NKIRAS1: variants seen among roughly 807,000 people sequenced by gnomAD.
NKIRAS1 encodes NF-kappa-B inhibitor-interacting Ras-like protein 1.
A neutral mutation model predicts 19.8 loss-of-function variants in NKIRAS1; 16 were observed. The ratio of observed to expected loss-of-function variants is 0.81; its 90% CI spans 0.55 to 1.23. The LOEUF (loss-of-function observed/expected upper bound fraction) is 1.23. Ranked by LOEUF, NKIRAS1 falls within the 50% of genes most tolerant of loss-of-function variation. NKIRAS1 has a pLI of 0.00. For synonymous variants in NKIRAS1, 88 were observed against 79.0 expected (o/e 1.11, Z -0.61); for missense variants, 184 against 220.0 (o/e 0.84, Z 1.04).
In NKIRAS1 at chr3:23,900,885, T is replaced by C. The variant is rs1420607830; in HGVS notation, c.259A>G (p.Ser87Gly). ...SFADGFVLVY[S>G]VNNLESFQRV... ...TGAAAGGATTCAAGGTTATTCACAC[T>C]GTACACAAGAACGAAGCCATCAGCA... is the stretch of plus-strand genomic sequence containing the variant. Residue 87 changes from serine (S) to glycine (G), a missense_variant, in exon 4 of 5, where the codon AGT (serine) becomes GGT (glycine). Transcript: ENST00000425478. 2 of 1,614,074 alleles carry C rather than the reference T, an allele frequency of 1.2e-6. No individual in the cohort carries two copies. Among genetic ancestry groups the C allele is most frequent in the Middle Eastern group, 1.6e-4 (1 of 6,062 alleles).
upstream of NKIRAS1, chr3:23,918,796 A>C (rs1435633218): frequency 1.7e-6 from 1 of 596,968 alleles, no homozygotes; most frequent in East Asian, 2.9e-5. Flanking sequence ...CTAAGCTTTA[A>C]AGCGGCAAGA....
At chr3:23,930,265 G>A (rs1286993510) in intron 1 of NKIRAS1, among the ~76,000 whole-genome samples, 1 of 152,156 alleles carries the variant, frequency 6.6e-6, no homozygotes, top group East Asian at 1.9e-4. Context: ...GCCATGGCGG[G>A]CTAAAGGGAT....
In NKIRAS1 at chr3:23,911,325, T is replaced by G; in HGVS notation, c.-18+4A>C. 4.9e-5 allele frequency: 8 copies of G among 162,500 alleles called. No homozygotes were observed. The highest frequency in any genetic ancestry group is 9.5e-5 in the Non-Finnish European group (7 of 74,040). 10.1% of individuals were successfully genotyped at this position (162,500 alleles called of 1,614,324 possible). A position where few individuals can be genotyped will look rare whatever the true frequency, so the allele number is the denominator to read the frequency against. ...AAAAATTAGCCAGGCGTGGTGGCAC[T>G]CACCTGTAATCCCAGCTACTGGGGA... On this transcript the variant is annotated splice_donor_region_variant and intron_variant, in intron 2 of 4. Coordinates refer to ENST00000425478, the MANE Select transcript of NKIRAS1 (RefSeq NM_020345.4).
chr3:23,893,696 C>G (rs1206624138), intron 4 of NKIRAS1, among the ~76,000 whole-genome samples: 2 of 149,798 alleles, frequency 1.3e-5, no homozygotes, highest in Non-Finnish European at 3.0e-5. Context: ...ACTTGGGAGG[C>G]TGCGGCAGGA....
intron 1 of NKIRAS1, among the ~76,000 whole-genome samples, chr3:23,929,035 A>G (rs901129576): frequency 6.7e-6 from 1 of 149,476 alleles, no homozygotes; most frequent in Non-Finnish European, 1.5e-5. Context: ...AAAAGAAAAT[A>G]TATTTAAAAC....
chr3:23,898,696 G>A (rs760371031), intron 4 of NKIRAS1, among the ~76,000 whole-genome samples: 7 of 151,956 alleles, frequency 4.6e-5, no homozygotes, highest in African/African-American at 7.3e-5. Flanking sequence ...TGCCCACCTC[G>A]GCCTCCCAAA....
In NKIRAS1 at chr3:23,910,532, C is replaced by T. The variant is rs564428270; in HGVS notation, c.94+279G>A. 3.5e-4 allele frequency among the ~76,000 whole-genome samples: 53 copies of T among 152,268 alleles called. No individual in the cohort carries two copies. In the South Asian group the frequency reaches 4.4e-3, roughly 13 times the overall value. ...TTACACCATTCATTATGTAAATACA[C>T]GGAAAACCACATATATACAAAGGAA... On this transcript the variant is annotated intron_variant, in intron 3 of 4. Coordinates refer to ENST00000425478, the MANE Select transcript of NKIRAS1 (RefSeq NM_020345.4).
chr3:23,945,308 G>C (rs1325055876), intron 1 of NKIRAS1: 1 of 157,238 alleles, frequency 6.4e-6, no homozygotes, highest in African/African-American at 2.4e-5. Flanking sequence ...CGCCGCCGCG[G>C]TGCGCTGGCT....
chr3:23,912,502 C>T (rs1373569094), intron 1 of NKIRAS1, among the ~76,000 whole-genome samples: 5 of 152,150 alleles, frequency 3.3e-5, no homozygotes, highest in Non-Finnish European at 5.9e-5. Context: ...TACCATCTCA[C>T]GCCAATTAGA....
intron 1 of NKIRAS1, among the ~76,000 whole-genome samples, chr3:23,935,135 C>G (rs1236473169): frequency 6.6e-6 from 1 of 151,736 alleles, no homozygotes; most frequent in Non-Finnish European, 1.5e-5. Flanking sequence ...ATCCTCCTGC[C>G]TCGTGAGTTA....
At chr3:23,898,264 A>C (rs757940938) in intron 4 of NKIRAS1, among the ~76,000 whole-genome samples, 1 of 152,196 alleles carries the variant, frequency 6.6e-6, no homozygotes, top group Non-Finnish European at 1.5e-5. Context: ...TCTAAATAAA[A>C]TATCAATAAC....
At chr3:23,932,830 T>G (rs545721359) in intron 1 of NKIRAS1, among the ~76,000 whole-genome samples, 1 of 152,312 alleles carries the variant, frequency 6.6e-6, no homozygotes, top group Admixed American at 6.5e-5. Flanking sequence ...AAAATCTGCT[T>G]GATTTCTCTA....
chr3:23,909,574 T>C (rs1368423897), intron 3 of NKIRAS1, among the ~76,000 whole-genome samples: 2 of 152,116 alleles, frequency 1.3e-5, no homozygotes, highest in East Asian at 3.9e-4. Context: ...AAAAATGCTT[T>C]GATGATCTCT....
chr3:23,918,780 T>C (rs1704873288), upstream of NKIRAS1: 3 of 642,246 alleles, frequency 4.7e-6, no homozygotes, highest in Non-Finnish European at 7.7e-6. Context: ...GAAGTACTTG[T>C]GGAACCTAAG....
intron 1 of NKIRAS1, among the ~76,000 whole-genome samples, chr3:23,925,029 G>A (rs1422396092): frequency 6.6e-6 from 1 of 152,202 alleles, no homozygotes; most frequent in Non-Finnish European, 1.5e-5. Flanking sequence ...AGAGCATGGC[G>A]TAGAACACCC....
intron 3 of NKIRAS1, among the ~76,000 whole-genome samples, chr3:23,909,260 G>A (rs184431619): frequency 2.0e-5 from 3 of 152,258 alleles, no homozygotes; most frequent in Non-Finnish European, 4.4e-5. Flanking sequence ...AGTGGCTCAC[G>A]CCTGTAATCC....
chr3:23,909,829 A>C (rs1703472743), intron 3 of NKIRAS1, among the ~76,000 whole-genome samples: 1 of 151,322 alleles, frequency 6.6e-6, no homozygotes, highest in Non-Finnish European at 1.5e-5. Flanking sequence ...AAATCTACAT[A>C]CAGCAGCTCT....
At chr3:23,945,443 C>T (rs933776423) in intron 1 of NKIRAS1, 3 of 338,998 alleles carry the variant, frequency 8.8e-6, no homozygotes, top group African/African-American at 2.2e-5. Context: ...CCCGGGAGCC[C>T]CGCCCGCTCT....
Position 23,916,188 on chromosome 3 carries a change from C to G in NKIRAS1, c.-140+596G>C, listed in dbSNP as rs370037068. 12 of 152,288 alleles carry G rather than the reference C, an allele frequency of 7.9e-5. No individual in the cohort carries two copies. In the East Asian group the frequency reaches 1.7e-3, roughly 22 times the overall value. The allele number at this position is 152,288 out of a possible 1,614,324, so 9.4% of individuals were successfully genotyped here. ...GCTACGATTAAGAGATAATGATTCTCTTAAGCCTTTGCCACATCTGAACGC... is the reference window on the plus strand; with the variant it reads ...GCTACGATTAAGAGATAATGATTCTGTTAAGCCTTTGCCACATCTGAACGC... On this transcript the variant is annotated intron_variant, in intron 1 of 4. Transcript: ENST00000425478.
Sources: gnomAD v4.1 joint callset for allele counts (sites outside exome capture counted in the v4.1 genomes callset) on GRCh38, gnomAD v4.1.1 for gene constraint, MANE v1.5 for transcripts, NCBI Gene and HGNC (gene_info 2026-07-23, HGNC 2026-07-21) for gene names.